The following PWWP2A variants were observed in gnomAD, a reference collection of about 807,000 sequenced individuals.
PWWP2A encodes the protein PWWP domain-containing protein 2A.
PWWP2A carries 18 observed loss-of-function variants against 48.5 expected under a neutral mutation model. The ratio of observed to expected loss-of-function variants is 0.37; its 90% CI spans 0.26 to 0.55. The LOEUF is 0.55. Among genes scored for constraint, PWWP2A ranks in the 20% least tolerant of loss-of-function variants. The pLI is 0.81. For synonymous variants in PWWP2A, 396 were observed against 387.7 expected (o/e 1.02, Z -0.25); for missense variants, 867 against 976.4 (o/e 0.89, Z 1.49).
chr5:160,073,507 G>A (rs952460377), downstream of PWWP2A, among the ~76,000 whole-genome samples: 8 of 152,120 alleles, frequency 5.3e-5, no homozygotes, highest in Admixed American at 3.3e-4. Context: ...GATTACAGGC[G>A]TGAGCCACCA....
downstream of PWWP2A, among the ~76,000 whole-genome samples, chr5:160,073,004 C>CAAAAAAAAA (rs35836307): frequency 3.9e-4 from 23 of 58,858 alleles, no homozygotes; most frequent in African/African-American, 1.5e-3. Flanking sequence ...GGCTCCGTCT[C>CAAAAAAAAA]AAAAAAAAAA....
chr5:160,093,692 C>T lies in PWWP2A; in HGVS notation c.958G>A (p.Val320Ile). 6.2e-7 allele frequency: 1 copy of T among 1,614,020 alleles called. No individual in the cohort carries two copies. Among genetic ancestry groups the T allele is most frequent in the Non-Finnish European group, 8.5e-7 (1 of 1,179,888 alleles). ...CTGTTTTTACATTTATCACACAGAA[C>T]TTGCCTGGGTCGTAGTTTAATAGCA... ...MNAIKLRPRQ[V>I]LCDKCKNSVV... The change falls in exon 2 of 2, where the codon GTT (valine) becomes ATT (isoleucine). Residue 320 changes from valine to isoleucine, a missense_variant. Around this residue, in one of 4 missense-constraint regions of PWWP2A, gnomAD observed 382 missense variants for 407.2 expected, o/e 0.94. Transcript: ENST00000307063. The surrounding 1 kb of genome is among the most constrained non-coding windows in gnomAD (Gnocchi z 5.8).
chr5:160,093,539 C>A lies in PWWP2A; in HGVS notation c.1111G>T (p.Val371Leu), dbSNP rs750509431. The change falls in exon 2 of 2, where the codon GTG becomes TTG. Residue 371 changes from valine to leucine, a missense_variant. Physicochemically the swap from Val to Leu is conservative, Grantham distance 32. This residue lies in a region of PWWP2A where 382 missense variants were observed against 407.2 expected (regional missense o/e 0.94). Coordinates refer to ENST00000307063, the MANE Select transcript of PWWP2A (RefSeq NM_001130864.2). The surrounding 1 kb of genome is among the most constrained non-coding windows in gnomAD (Gnocchi z 5.8). ...CTTTCATTTTGGTTTTTCCCATCCA[C>A]TTTATGGTCAGTTTTCAGTTTTTTG... ...VNKKLKTDHK[V>L]DGKNQNESQK... 1 of 1,613,706 alleles carries A rather than the reference C, an allele frequency of 6.2e-7. No homozygotes were observed. The highest frequency in any genetic ancestry group is 1.1e-5 in the South Asian group (1 of 91,026).
chr5:160,058,480 G>A (rs1402226249), downstream of PWWP2A, among the ~76,000 whole-genome samples: 3 of 147,398 alleles, frequency 2.0e-5, no homozygotes, highest in Non-Finnish European at 3.0e-5. Context: ...GTGCGATCTC[G>A]GCTCAGTGCA....
chr5:160,065,138 G>A, intron 4 of PWWP2A: 2 of 1,565,546 alleles, frequency 1.3e-6, no homozygotes, highest in Non-Finnish European at 1.7e-6. Context: ...GAAAGGCCCT[G>A]CCAATGTTTA....
chr5:160,116,223 T>A (rs1351935951), intron 1 of PWWP2A, among the ~76,000 whole-genome samples: 1 of 152,042 alleles, frequency 6.6e-6, no homozygotes, highest in Admixed American at 6.6e-5. Flanking sequence ...CCCAGCTAAG[T>A]TTTATATTTT....
At chr5:160,068,300 A>G (rs1451125667) in intron 2 of PWWP2A, among the ~76,000 whole-genome samples, 1 of 152,170 alleles carries the variant, frequency 6.6e-6, no homozygotes, top group Non-Finnish European at 1.5e-5. Flanking sequence ...CAATATTGCA[A>G]TGGGTCAAAA....
At chr5:160,096,223 T>C (rs1279231771) in intron 1 of PWWP2A, among the ~76,000 whole-genome samples, 1 of 134,572 alleles carries the variant, frequency 7.4e-6, no homozygotes, top group African/African-American at 3.2e-5. Context: ...AAGGAAAGGC[T>C]TTTTTTTTAC....
rs760340162 is a variant in PWWP2A, at chr5:160,118,924, T to A, written c.465A>T (p.Gln155His). ...PPAGGDSTVS[Q>H]LIPGSEVRVT... The stretch of plus-strand genomic sequence containing the variant: ...CCCGCACCTCCGAGCCCGGGATCAG[T>A]TGCGACACCGTGGAGTCCCCGCCCG... The change falls in exon 1 of 2, where the codon CAA (glutamine) becomes CAT (histidine). Residue 155 changes from glutamine to histidine, a missense_variant. Physicochemically the swap from Gln to His is conservative, Grantham distance 24. Around this residue, in one of 4 missense-constraint regions of PWWP2A, gnomAD observed 385 missense variants for 396.9 expected, o/e 0.97. Transcript: ENST00000307063. The A allele has an allele frequency of 3.1e-6, 5 of 1,601,616 alleles. No individual in the cohort carries two copies.
downstream of PWWP2A, chr5:160,090,497 AGTT>A: frequency 1.0e-6 from 1 of 983,722 alleles, no homozygotes; most frequent in Non-Finnish European, 1.2e-6. Flanking sequence ...TTTTAAGTAT[AGTT>A]GTTTCTGTTT....
intron 1 of PWWP2A, among the ~76,000 whole-genome samples, chr5:160,112,716 C>T (rs757150810): frequency 9.9e-5 from 15 of 151,794 alleles, no homozygotes; most frequent in Non-Finnish European, 1.8e-4. Flanking sequence ...TACATATAAA[C>T]TGAGGCGTAA....
At chr5:160,079,940 G>A (rs1754112357) in intron 3 of PWWP2A, among the ~76,000 whole-genome samples, 1 of 152,164 alleles carries the variant, frequency 6.6e-6, no homozygotes, top group Non-Finnish European at 1.5e-5. Flanking sequence ...AAACACCAGA[G>A]GGTTAAACAG....
At chr5:160,114,863 G>A (rs983555989) in intron 1 of PWWP2A, among the ~76,000 whole-genome samples, 1 of 151,104 alleles carries the variant, frequency 6.6e-6, no homozygotes, top group Non-Finnish European at 1.5e-5. Context: ...AGGTGTGGCC[G>A]AGTGCAGTGG....
chr5:160,115,724 C>A (rs1375307681), intron 1 of PWWP2A, among the ~76,000 whole-genome samples: 18 of 151,428 alleles, frequency 1.2e-4, no homozygotes, highest in Admixed American at 1.1e-3. Context: ...ATTAGCCAGG[C>A]GTGGTGGTAT....
rs2113457007 is a variant in PWWP2A at position 160,077,796 on chromosome 5, A to G, written c.*359T>C. The G allele has an allele frequency of 4.6e-6, 1 of 215,086 alleles. No individual in the cohort carries two copies. Among genetic ancestry groups the G allele is most frequent in the East Asian group, 1.0e-4 (1 of 9,896 alleles). The allele number at this position is 215,086 out of a possible 1,614,324, so 13.3% of individuals were successfully genotyped here. A position where few individuals can be genotyped will look rare whatever the true frequency, so the allele number is the denominator to read the frequency against. The stretch of plus-strand genomic sequence containing the variant: ...TAATTCAGCATTTCTGCATCATCCC[A>G]TGCCTTTTAGGCCTGTCCAAACTGT... On this transcript the variant is annotated 3_prime_UTR_variant, in exon 4 of 4. Transcript: ENST00000456329. This position sits in a 1 kb window ranked among gnomAD's most constrained non-coding sequence, Gnocchi z 4.2.
intron 4 of PWWP2A, among the ~76,000 whole-genome samples, chr5:160,064,445 A>T (rs966190531): frequency 2.0e-5 from 3 of 152,218 alleles, no homozygotes; most frequent in African/African-American, 7.2e-5. Context: ...TTGAATATGA[A>T]TCCAAGCTCA....
downstream of PWWP2A, among the ~76,000 whole-genome samples, chr5:160,057,207 T>C (rs1387195476): frequency 6.6e-6 from 1 of 152,210 alleles, no homozygotes; most frequent in East Asian, 1.9e-4. The surrounding 1 kb of genome is among the most constrained non-coding windows in gnomAD (Gnocchi z 4.4). Flanking sequence ...TTCCCACTTC[T>C]TTGAAAGTTC....
downstream of PWWP2A, among the ~76,000 whole-genome samples, chr5:160,058,676 G>A (rs908936917): frequency 1.3e-5 from 2 of 152,076 alleles, no homozygotes; most frequent in Admixed American, 6.6e-5. Context: ...CTCCCAAAGT[G>A]CTGGGATTAC....
At chr5:160,080,866 T>C (rs1754179189) in intron 2 of PWWP2A, 2 of 1,100,698 alleles carry the variant, frequency 1.8e-6, no homozygotes, top group Non-Finnish European at 2.5e-6. Context: ...AAGACCAAAA[T>C]TCAGGTGAAT....
Sources: allele counts gnomAD v4.1 joint callset (sites outside exome capture counted in the v4.1 genomes callset), GRCh38; gene constraint gnomAD v4.1.1; regional missense constraint gnomAD v4.1.1; non-coding constraint Gnocchi (gnomAD v3.1); transcripts MANE v1.5; gene names NCBI Gene and HGNC (gene_info 2026-07-23, HGNC 2026-07-21).